PDE1A: variants seen among roughly 807,000 people sequenced by gnomAD.
PDE1A encodes the protein phosphodiesterase 1A.
PDE1A carries 35 observed loss-of-function variants against 61.7 expected under a neutral mutation model. That is an observed-to-expected ratio of 0.57 (90% confidence interval 0.43 to 0.75). The LOEUF is 0.75. Among genes scored for constraint, PDE1A ranks in the 30% least tolerant of loss-of-function variants. PDE1A has a pLI of 0.00. For synonymous variants in PDE1A, 232 were observed against 213.2 expected (o/e 1.09, Z -0.77); for missense variants, 597 against 630.6 (o/e 0.95, Z 0.57).
chr2:182,386,491 G>A (rs1003850592), intron 1 of PDE1A, among the ~76,000 whole-genome samples: 49 of 151,380 alleles, frequency 3.2e-4, no homozygotes, highest in African/African-American at 1.1e-3. Flanking sequence ...CCTCTGCCCG[G>A]CCGCGACCCC....
chr2:182,377,950 C>T (rs928399990), intron 1 of PDE1A, among the ~76,000 whole-genome samples: 6 of 151,938 alleles, frequency 3.9e-5, no homozygotes, highest in Non-Finnish European at 8.8e-5. Context: ...GGGTTCATGC[C>T]ATTCTCCTAC....
chr2:182,320,486 G>A (rs896775034), intron 1 of PDE1A, among the ~76,000 whole-genome samples: 8 of 152,048 alleles, frequency 5.3e-5, no homozygotes, highest in Non-Finnish European at 8.8e-5. Context: ...AAAAACTGTA[G>A]TATAAATCCA....
chr2:182,292,958 A>C (rs1157133462), intron 1 of PDE1A, among the ~76,000 whole-genome samples: 1 of 152,134 alleles, frequency 6.6e-6, no homozygotes, highest in Non-Finnish European at 1.5e-5. Flanking sequence ...TATATCATAC[A>C]TAAAAAGTAA....
At chr2:182,596,966 C>A in the PDE1A span, among the ~76,000 whole-genome samples, 1 of 151,888 alleles carries the variant, frequency 6.6e-6, no homozygotes, top group African/African-American at 2.4e-5. Context: ...CCAGCCTGGG[C>A]AACATGGCAA....
intron 1 of PDE1A, among the ~76,000 whole-genome samples, chr2:182,264,872 TATATAC>T (rs1356547194): frequency 8.6e-6 from 1 of 116,186 alleles, no homozygotes; most frequent in Non-Finnish European, 1.7e-5. Flanking sequence ...ATGTGGTATA[TATATAC>T]ATATATATAT....
intron 1 of PDE1A, among the ~76,000 whole-genome samples, chr2:182,312,378 T>G (rs1696039863): frequency 6.6e-6 from 1 of 152,168 alleles, no homozygotes; most frequent in African/African-American, 2.4e-5. Context: ...TTTGCCTAAC[T>G]CAAGATCACA....
chr2:182,395,884 A>C (rs1435825707), intron 1 of PDE1A, among the ~76,000 whole-genome samples: 1 of 152,180 alleles, frequency 6.6e-6, no homozygotes, highest in Non-Finnish European at 1.5e-5. Flanking sequence ...CTTTGGTAGA[A>C]ACTGAACTTT....
chr2:182,313,348 G>A (rs1696117312), intron 1 of PDE1A, among the ~76,000 whole-genome samples: 1 of 152,008 alleles, frequency 6.6e-6, no homozygotes, highest in East Asian at 1.9e-4. Context: ...CGGGAGGCAG[G>A]GGCTGCAGTG....
chr2:182,256,563 G>C (rs374168642), intron 2 of PDE1A, among the ~76,000 whole-genome samples: 1 of 151,958 alleles, frequency 6.6e-6, no homozygotes. Context: ...ACATGCACAC[G>C]TATGTTTATT....
the PDE1A span, among the ~76,000 whole-genome samples, chr2:182,540,894 C>T: frequency 6.6e-6 from 1 of 152,078 alleles, no homozygotes; most frequent in Non-Finnish European, 1.5e-5. Flanking sequence ...AACTGAAAGG[C>T]TCCATAAAAT....
At chr2:182,168,116 G>T in exon 14 of PDE1A, 2 of 1,406,094 alleles carry the variant, frequency 1.4e-6, no homozygotes, top group South Asian at 1.9e-5. Flanking sequence ...GATGCTTATT[G>T]AGCAATCTGC....
intron 2 of PDE1A, among the ~76,000 whole-genome samples, chr2:182,242,420 T>A (rs749843590): frequency 9.8e-5 from 15 of 152,304 alleles, no homozygotes; most frequent in South Asian, 6.2e-4. Context: ...GACGACAGTG[T>A]GTTAAGGGAA....
intron 1 of PDE1A, among the ~76,000 whole-genome samples, chr2:182,415,669 C>T (rs988963189): frequency 6.6e-5 from 10 of 152,110 alleles, no homozygotes; most frequent in African/African-American, 2.4e-4. Flanking sequence ...TCTTTATGTT[C>T]TAAATTTTCT....
the PDE1A span, among the ~76,000 whole-genome samples, chr2:182,551,824 T>C: frequency 0.011 from 1,649 of 152,278 alleles, 19 homozygotes; most frequent in Middle Eastern, 0.034. Flanking sequence ...TGACCCCTGC[T>C]AAAAAATCAA....
intron 2 of PDE1A, among the ~76,000 whole-genome samples, chr2:182,248,921 G>C (rs745824928): frequency 7.9e-5 from 12 of 152,166 alleles, no homozygotes; most frequent in Non-Finnish European, 1.6e-4. Context: ...CATGGGCTCA[G>C]GGTAGGAGCA....
At chr2:182,511,714 G>A (rs1689805716) in intron 2 of PDE1A, among the ~76,000 whole-genome samples, 1 of 152,156 alleles carries the variant, frequency 6.6e-6, no homozygotes, top group South Asian at 2.1e-4. Context: ...GAGCCAATCT[G>A]ATCTGGGAGC....
At chr2:182,176,506 G>T (rs1692805432) in intron 13 of PDE1A, among the ~76,000 whole-genome samples, 1 of 139,248 alleles carries the variant, frequency 7.2e-6, no homozygotes, top group African/African-American at 2.9e-5. Flanking sequence ...TGGTGTATAA[G>T]AATGCTTGTG....
chr2:182,170,865 A>G (rs1692145538), intron 13 of PDE1A, among the ~76,000 whole-genome samples: 1 of 152,018 alleles, frequency 6.6e-6, no homozygotes, highest in Non-Finnish European at 1.5e-5. Context: ...AAAATATTGC[A>G]TCTTAAGATG....
chr2:182,390,007 T>C (rs893590774), intron 1 of PDE1A, among the ~76,000 whole-genome samples: 1 of 152,180 alleles, frequency 6.6e-6, no homozygotes, highest in Non-Finnish European at 1.5e-5. Context: ...ATCTGTCAGC[T>C]TCCCTACCTT....
Sources: gnomAD v4.1 joint callset for allele counts (sites outside exome capture counted in the v4.1 genomes callset) on GRCh38, gnomAD v4.1.1 for gene constraint, MANE v1.5 for transcripts, NCBI Gene and HGNC (gene_info 2026-07-23, HGNC 2026-07-21) for gene names.